The following CSNK1G2 variants were observed in gnomAD, a reference collection of about 807,000 sequenced individuals.
CSNK1G2 encodes casein kinase I isoform gamma-2.
A neutral mutation model predicts 48.0 loss-of-function variants in CSNK1G2; 11 were observed. The observed-to-expected ratio is 0.23, with a 90% CI of 0.14 to 0.38. CSNK1G2 has a LOEUF of 0.38. Ranked by LOEUF, CSNK1G2 falls within the 10% of genes least tolerant of loss-of-function variation. CSNK1G2 has a pLI of 1.00. For synonymous variants in CSNK1G2, 337 were observed against 254.1 expected (o/e 1.33, Z -3.10); for missense variants, 446 against 595.5 (o/e 0.75, Z 2.61).
intron 2 of CSNK1G2, among the ~76,000 whole-genome samples, chr19:1,971,167 A>G (rs185993993): frequency 1.6e-3 from 243 of 152,298 alleles, no homozygotes; most frequent in African/African-American, 5.5e-3. Flanking sequence ...TGTGTGTCCT[A>G]TGAGTCAAGC....
intron 1 of CSNK1G2, among the ~76,000 whole-genome samples, chr19:1,947,349 A>T (rs1215481330): frequency 6.6e-6 from 1 of 152,112 alleles, no homozygotes; most frequent in Non-Finnish European, 1.5e-5. Flanking sequence ...TTCCCAGGTG[A>T]TGCTCATGTA....
At chr19:1,964,388 C>G (rs35699212) in intron 1 of CSNK1G2, among the ~76,000 whole-genome samples, 18,802 of 151,966 alleles carry the variant, frequency 0.12, 1,423 homozygotes, top group East Asian at 0.21. Flanking sequence ...GCCAAGGTCA[C>G]TGCTGGAGGT....
chr19:1,965,402 A>G (rs1481785605), intron 1 of CSNK1G2, among the ~76,000 whole-genome samples: 2 of 149,980 alleles, frequency 1.3e-5, no homozygotes, highest in African/African-American at 2.5e-5. Context: ...AAAAAAGATC[A>G]TTGTTTCCAT....
At chr19:1,962,492 T>G in intron 1 of CSNK1G2, among the ~76,000 whole-genome samples, 1 of 142,772 alleles carries the variant, frequency 7.0e-6, no homozygotes, top group African/African-American at 2.6e-5. Flanking sequence ...CATAGCAAGA[T>G]CCCATCTCTA....
Position 1,952,222 on chromosome 19 carries a change from C to T in CSNK1G2, c.-266+10804C>T, listed in dbSNP as rs535371629. ...AGTGGGTGCAGGGCTGGACGAGGGC[C>T]CAGGGGGCAGAAGCTAGTGCGCCGA... On this transcript the variant is annotated intron_variant, in intron 1 of 11. Coordinates refer to ENST00000255641, the MANE Select transcript of CSNK1G2 (RefSeq NM_001319.7). 1.1e-4 allele frequency among the ~76,000 whole-genome samples: 16 copies of T among 152,330 alleles called. No homozygotes were observed. The East Asian group carries it at 2.7e-3, about 26-fold the overall frequency.
At chr19:1,973,899 A>AT (rs2015661890) in intron 2 of CSNK1G2, among the ~76,000 whole-genome samples, 1 of 151,668 alleles carries the variant, frequency 6.6e-6, no homozygotes, top group Non-Finnish European at 1.5e-5. Context: ...ATTATTTATT[A>AT]TTTTTTGAGA....
chr19:1,944,460 A>C (rs1205842438), intron 1 of CSNK1G2, among the ~76,000 whole-genome samples: 2 of 151,934 alleles, frequency 1.3e-5, no homozygotes, highest in Non-Finnish European at 2.9e-5. Context: ...TGGGTAGAGG[A>C]GAAGGTGGTG....
chr19:1,944,705 G>A (rs1003470904), intron 1 of CSNK1G2, among the ~76,000 whole-genome samples: 1 of 148,882 alleles, frequency 6.7e-6, no homozygotes, highest in Admixed American at 6.7e-5. Context: ...GGTGGGGGGG[G>A]GTACCCCTTT....
chr19:1,953,644 C>G, intron 1 of CSNK1G2: 4 of 405,676 alleles, frequency 9.9e-6, no homozygotes, highest in South Asian at 7.3e-5. Context: ...TGCCCGTGGC[C>G]CTCACCTGTG....
intron 2 of CSNK1G2, among the ~76,000 whole-genome samples, chr19:1,972,076 G>A (rs1005170719): frequency 4.6e-5 from 7 of 152,190 alleles, no homozygotes; most frequent in Non-Finnish European, 1.0e-4. Context: ...GCCTGGTGAC[G>A]CCAGCTTTTA....
At chr19:1,977,017 G>A (rs2015781054) in intron 2 of CSNK1G2, among the ~76,000 whole-genome samples, 1 of 152,184 alleles carries the variant, frequency 6.6e-6, no homozygotes, top group Non-Finnish European at 1.5e-5. Flanking sequence ...GGGATTACAG[G>A]CATAAGCCAC....
chr19:1,946,711 C>T (rs1396218703), intron 1 of CSNK1G2, among the ~76,000 whole-genome samples: 1 of 151,792 alleles, frequency 6.6e-6, no homozygotes, highest in Non-Finnish European at 1.5e-5. Flanking sequence ...CTCCCGGGTT[C>T]ACGCCATTCT....
chr19:1,953,309 A>T, intron 1 of CSNK1G2: 1 of 513,384 alleles, frequency 1.9e-6, no homozygotes, highest in Non-Finnish European at 4.0e-6. Flanking sequence ...CAGGAAGCAG[A>T]GCTGAGGCTG....
rs549921535 is a variant in CSNK1G2 at position 1,949,039 on chromosome 19, G to A, written c.-266+7621G>A. Among the ~76,000 whole-genome samples, 5 of 152,180 alleles carry A rather than the reference G, an allele frequency of 3.3e-5. 1 individual carries two copies. Among genetic ancestry groups the A allele is most frequent in the African/African-American group, 7.2e-5 (3 of 41,432 alleles). ...AAGGGAGGGTGGGTCTCGCTGTCTC[G>A]GGTGGCAGAGCGGGAAGGAGCCAGG... On this transcript the variant is annotated intron_variant, in intron 1 of 11. Transcript: ENST00000255641.
At chr19:1,972,928 TTG>T in intron 2 of CSNK1G2, among the ~76,000 whole-genome samples, 1 of 139,922 alleles carries the variant, frequency 7.1e-6, no homozygotes, top group African/African-American at 3.1e-5. Context: ...CTCGCCTGCT[TTG>T]TTTTTTTTTT....
At chr19:1,969,485 C>G (rs1195079601) in intron 1 of CSNK1G2, 23 bp from the exon 2 acceptor site, 2 of 257,952 alleles carry the variant, frequency 7.8e-6, no homozygotes, top group Non-Finnish European at 1.5e-5. Flanking sequence ...CCGGTGCTCA[C>G]CTGTGCCTCT....
At chr19:1,962,309 C>G (rs545454375) in intron 1 of CSNK1G2, among the ~76,000 whole-genome samples, 2 of 150,856 alleles carry the variant, frequency 1.3e-5, no homozygotes, top group African/African-American at 4.9e-5. Context: ...CCAGCCTGGG[C>G]GAAAGAGTGA....
intron 1 of CSNK1G2, chr19:1,953,639 G>T (rs1452195378): frequency 1.5e-5 from 6 of 406,548 alleles, no homozygotes; most frequent in Non-Finnish European, 3.0e-5. Context: ...AGCTCTGCCC[G>T]TGGCCCTCAC....
intron 1 of CSNK1G2, among the ~76,000 whole-genome samples, chr19:1,962,554 A>C (rs1372132137): frequency 6.6e-6 from 1 of 151,482 alleles, no homozygotes; most frequent in African/African-American, 2.4e-5. Flanking sequence ...GGTCCCAGCT[A>C]CTCGGGAGGC....
Sources: allele counts gnomAD v4.1 joint callset (sites outside exome capture counted in the v4.1 genomes callset), GRCh38; gene constraint gnomAD v4.1.1; transcripts MANE v1.5; gene names NCBI Gene and HGNC (gene_info 2026-07-23, HGNC 2026-07-21).